The following FARP1 variants were observed in gnomAD, a reference collection of about 807,000 sequenced individuals.
The protein encoded by FARP1 is FERM, ARHGEF and pleckstrin domain-containing protein 1.
Under a neutral mutation model 128.8 loss-of-function variants are expected in FARP1, and 52 were observed. The ratio of observed to expected loss-of-function variants is 0.40; its 90% CI spans 0.32 to 0.51. The LOEUF is 0.51. FARP1 is among the 20% of genes least tolerant of loss of function. The pLI, the probability that FARP1 is intolerant of heterozygous loss-of-function variation, is 0.45. For synonymous variants in FARP1, 580 were observed against 551.8 expected, an observed-to-expected ratio of 1.05 and a Z score of -0.72; for missense variants, 1,333 against 1,367.9, an observed-to-expected ratio of 0.97 and a Z score of 0.40.
At chr13:98,323,699 C>G in intron 2 of FARP1, among the ~76,000 whole-genome samples, 1 of 151,298 alleles carries the variant, frequency 6.6e-6, no homozygotes, top group South Asian at 2.1e-4. Flanking sequence ...TAAAGGAGAG[C>G]AGAAAGACAG....
chr13:98,415,553 C>T (rs1891343506), intron 16 of FARP1, among the ~76,000 whole-genome samples: 1 of 152,216 alleles, frequency 6.6e-6, no homozygotes, highest in Admixed American at 6.5e-5. Context: ...GCACAGAGAG[C>T]CGTGTCCTCT....
chr13:98,335,958 A>C (rs1161253642), intron 2 of FARP1, among the ~76,000 whole-genome samples: 1 of 152,176 alleles, frequency 6.6e-6, no homozygotes, highest in Non-Finnish European at 1.5e-5. Flanking sequence ...ACACTTCCCA[A>C]AACGGCTCTC....
At chr13:98,277,662 C>T (rs545044292) in intron 2 of FARP1, among the ~76,000 whole-genome samples, 1 of 152,270 alleles carries the variant, frequency 6.6e-6, no homozygotes, top group African/African-American at 2.4e-5. Context: ...TGGCAGAGCA[C>T]TGTTTAGAGT....
intron 2 of FARP1, among the ~76,000 whole-genome samples, chr13:98,240,722 G>A (rs4772055): frequency 0.84 from 127,809 of 152,286 alleles, 53,720 homozygotes; most frequent in East Asian, 0.95. Context: ...ATTTCAACAC[G>A]AGATCACCAT....
At chr13:98,363,109 C>A (rs536990537) in intron 3 of FARP1, among the ~76,000 whole-genome samples, 1 of 152,330 alleles carries the variant, frequency 6.6e-6, no homozygotes, top group African/African-American at 2.4e-5. Flanking sequence ...TAATCATGTC[C>A]TCCCCATGGG....
intron 12 of FARP1, 35 bp from the exon 13 acceptor site, chr13:98,395,192 C>G: frequency 6.4e-7 from 1 of 1,561,710 alleles, no homozygotes. Flanking sequence ...TCCCTCTTCT[C>G]TATCTCTCCG....
intron 2 of FARP1, among the ~76,000 whole-genome samples, chr13:98,232,875 A>G (rs1882211360): frequency 2.0e-5 from 3 of 152,192 alleles, no homozygotes; most frequent in Admixed American, 6.5e-5. Flanking sequence ...ATCAATCTCT[A>G]ATGGTTTCCC....
intron 6 of FARP1, among the ~76,000 whole-genome samples, chr13:98,382,054 CT>C (rs1393444083): frequency 6.8e-6 from 1 of 146,090 alleles, no homozygotes; most frequent in Non-Finnish European, 1.5e-5. Context: ...GAGAGCCTGT[CT>C]CTACTCAAAA....
intron 2 of FARP1, among the ~76,000 whole-genome samples, chr13:98,217,729 C>T (rs1326778690): frequency 6.6e-6 from 1 of 152,138 alleles, no homozygotes; most frequent in Non-Finnish European, 1.5e-5. Flanking sequence ...CCAGAACACC[C>T]TCTTATTTGT....
Position 98,448,298 on chromosome 13 carries a change from A to G in FARP1, c.3119A>G (p.Lys1040Arg), listed in dbSNP as rs144389557. Residue 1040 changes from lysine to arginine, a missense_variant, in exon 27 of 27, where the codon AAA (lysine) becomes AGA (arginine). Coordinates refer to ENST00000319562, the MANE Select transcript of FARP1 (RefSeq NM_005766.4). ...SASRPHVLSH[K>R]ESLVY Reference sequence around the variant, plus strand: ...TCGCGACCCCACGTGTTGAGTCACAAAGAGTCTCTTGTGTATTGATGGCCG... The same window carrying G: ...TCGCGACCCCACGTGTTGAGTCACAGAGAGTCTCTTGTGTATTGATGGCCG... 4.5e-5 allele frequency: 73 copies of G among 1,613,676 alleles called. No homozygotes were observed. Among genetic ancestry groups the G allele is most frequent in the Non-Finnish European group, 5.8e-5 (68 of 1,179,668 alleles).
chr13:98,156,143 A>G (rs1876482174), intron 1 of FARP1, among the ~76,000 whole-genome samples: 1 of 152,244 alleles, frequency 6.6e-6, no homozygotes, highest in South Asian at 2.1e-4. Flanking sequence ...ATTCTAAATA[A>G]CTAATTATAA....
chr13:98,437,664 G>A (rs1321768261), intron 19 of FARP1: 3 of 658,112 alleles, frequency 4.6e-6, no homozygotes, highest in Non-Finnish European at 8.2e-6. Context: ...GCAGGAAGAT[G>A]GTGAGTTATC....
rs1265292567 is a variant in FARP1, at chr13:98,293,633, GA to G, written c.172-50126del. On this transcript the variant is annotated intron_variant, in intron 2 of 26. Coordinates refer to ENST00000319562, the MANE Select transcript of FARP1 (RefSeq NM_005766.4). ...ATGTAGTCAGTCAGTGTAAGGAATC[GA>G]AATTTCCATGATCACAACTTATCCT... Among the ~76,000 whole-genome samples the G allele has an allele frequency of 5.9e-5, 9 of 152,150 alleles. No homozygotes were observed. The East Asian group carries it at 1.7e-3, about 29-fold the overall frequency.
chr13:98,325,357 C>G (rs1390905249), intron 2 of FARP1, among the ~76,000 whole-genome samples: 1 of 152,102 alleles, frequency 6.6e-6, no homozygotes, highest in African/African-American at 2.4e-5. Context: ...GGCTCTCTAT[C>G]TCATATGTTC....
At chr13:98,442,157 G>C (rs1185415467) in intron 24 of FARP1, among the ~76,000 whole-genome samples, 1 of 152,198 alleles carries the variant, frequency 6.6e-6, no homozygotes, top group Non-Finnish European at 1.5e-5. Flanking sequence ...TGCTGCAGTC[G>C]AGGCAGGACT....
At chr13:98,232,134 T>G (rs796648979) in intron 2 of FARP1, among the ~76,000 whole-genome samples, 1,498 of 135,690 alleles carry the variant, frequency 0.011, 37 homozygotes, top group African/African-American at 0.043. Flanking sequence ...CCGGCTTTTT[T>G]TGTTTGGTTG....
At chr13:98,395,174 TA>T in intron 12 of FARP1, 52 bp from the exon 13 acceptor site, 1 of 1,529,630 alleles carries the variant, frequency 6.5e-7, no homozygotes, top group African/African-American at 1.4e-5. Flanking sequence ...AGCCTTGGAA[TA>T]ACAGTCTCCC....
intron 1 of FARP1, among the ~76,000 whole-genome samples, chr13:98,165,710 GTTTTTTTTTTT>G (rs71111927): frequency 2.2e-4 from 16 of 74,130 alleles, no homozygotes; most frequent in South Asian, 5.7e-4. Flanking sequence ...TCCAGAAGGG[GTTTTTTTTTTT>G]TTTTTTTTTT....
At chr13:98,269,035 C>G (rs1884270410) in intron 2 of FARP1, among the ~76,000 whole-genome samples, 1 of 152,076 alleles carries the variant, frequency 6.6e-6, no homozygotes, top group Non-Finnish European at 1.5e-5. Context: ...CCCAGCCTCT[C>G]CCTTCTGGTA....
Sources: allele counts gnomAD v4.1 joint callset (sites outside exome capture counted in the v4.1 genomes callset), GRCh38; gene constraint gnomAD v4.1.1; transcripts MANE v1.5; gene names NCBI Gene and HGNC (gene_info 2026-07-23, HGNC 2026-07-21).